The following CPEB1 variants were observed in gnomAD, a reference collection of about 807,000 sequenced individuals.
CPEB1 encodes the protein cytoplasmic polyadenylation element binding protein 1.
A neutral mutation model predicts 65.8 loss-of-function variants in CPEB1; 7 were observed. The ratio of observed to expected loss-of-function variants is 0.11; its 90% CI spans 0.06 to 0.20. The LOEUF (loss-of-function observed/expected upper bound fraction) is 0.20. Ranked by LOEUF, CPEB1 falls within the 10% of genes least tolerant of loss-of-function variation. The probability of loss-of-function intolerance (pLI) is 1.00; values close to 1 mark genes in which losing one functional copy is unlikely to be tolerated. For missense variants in CPEB1, 551 were observed against 712.2 expected (o/e 0.77, Z 2.58); for synonymous variants, 262 against 260.0 (o/e 1.01, Z -0.08).
chr15:82,548,140 T>C (rs1310730089), intron 10 of CPEB1, among the ~76,000 whole-genome samples: 2 of 152,004 alleles, frequency 1.3e-5, no homozygotes, highest in Non-Finnish European at 2.9e-5. Flanking sequence ...ATGGAGACCA[T>C]CCTGGCTAAC....
At chr15:82,623,312 A>G (rs940170807) in intron 3 of CPEB1, among the ~76,000 whole-genome samples, 1 of 152,232 alleles carries the variant, frequency 6.6e-6, no homozygotes, top group Admixed American at 6.5e-5. Context: ...ACACTGTGTT[A>G]GGAAACACAC....
chr15:82,591,480 T>C (rs926359463), intron 3 of CPEB1, among the ~76,000 whole-genome samples: 1 of 152,228 alleles, frequency 6.6e-6, no homozygotes, highest in Non-Finnish European at 1.5e-5. Context: ...TTGGCCAGGC[T>C]GGTCTCAAAC....
chr15:82,629,525 C>G, intron 1 of CPEB1: 1 of 985,322 alleles, frequency 1.0e-6, no homozygotes, highest in Non-Finnish European at 1.2e-6. Flanking sequence ...GTAAATAACA[C>G]CACCATCCAC....
At chr15:82,611,841 T>C (rs910087430) in intron 3 of CPEB1, among the ~76,000 whole-genome samples, 1 of 150,222 alleles carries the variant, frequency 6.7e-6, no homozygotes, top group Admixed American at 6.6e-5. Context: ...AAAAGAAATG[T>C]ATAACAGAAT....
chr15:82,643,109 G>A (rs1199287439), intron 1 of CPEB1, among the ~76,000 whole-genome samples: 1 of 148,820 alleles, frequency 6.7e-6, no homozygotes, highest in Non-Finnish European at 1.5e-5. Context: ...CCCCTCCCCA[G>A]CACACTCCAC....
chr15:82,625,741 A>G (rs2045705955), intron 3 of CPEB1, among the ~76,000 whole-genome samples: 1 of 152,216 alleles, frequency 6.6e-6, no homozygotes, highest in Non-Finnish European at 1.5e-5. Flanking sequence ...TGTAATTATC[A>G]GTCCTTGTTT....
intron 5 of CPEB1, among the ~76,000 whole-genome samples, chr15:82,557,352 T>C (rs1007741662): frequency 2.0e-5 from 3 of 152,218 alleles, no homozygotes; most frequent in Non-Finnish European, 4.4e-5. Context: ...TTAAAAATTT[T>C]TTACGTTATT....
At chr15:82,598,839 C>A (rs1240142399) in intron 3 of CPEB1, among the ~76,000 whole-genome samples, 3 of 151,988 alleles carry the variant, frequency 2.0e-5, no homozygotes, top group East Asian at 3.9e-4. Context: ...AAATTACAAC[C>A]AATATTGACC....
At chr15:82,554,297 C>T (rs2036802112) in intron 6 of CPEB1, among the ~76,000 whole-genome samples, 1 of 152,114 alleles carries the variant, frequency 6.6e-6, no homozygotes, top group Non-Finnish European at 1.5e-5. Flanking sequence ...ATATGCTAAC[C>T]ACAAAGCAGT....
At chr15:82,581,179 T>C (rs979030109) in intron 3 of CPEB1, among the ~76,000 whole-genome samples, 50 of 152,208 alleles carry the variant, frequency 3.3e-4, no homozygotes, top group Non-Finnish European at 8.8e-5. Flanking sequence ...TTTTGCTATG[T>C]TGTCCAGGCT....
At chr15:82,584,258 C>CAAAAAAAA (rs71156038) in intron 3 of CPEB1, among the ~76,000 whole-genome samples, 1 of 53,288 alleles carries the variant, frequency 1.9e-5, no homozygotes, top group African/African-American at 7.5e-5. Flanking sequence ...GACTCCGTCT[C>CAAAAAAAA]AAAAAAAAAA....
chr15:82,638,750 G>A (rs2046867600), intron 1 of CPEB1: 1 of 152,200 alleles, frequency 6.6e-6, no homozygotes, highest in African/African-American at 2.4e-5. Flanking sequence ...ACTTTATACT[G>A]ACTTCTCATT....
intron 3 of CPEB1, among the ~76,000 whole-genome samples, chr15:82,610,382 C>T (rs948611299): frequency 5.3e-5 from 8 of 152,054 alleles, no homozygotes; most frequent in African/African-American, 1.9e-4. Flanking sequence ...TTCCCTGATA[C>T]CAAAATCAGG....
chr15:82,554,731 A>C (rs183976221), intron 6 of CPEB1, among the ~76,000 whole-genome samples: 1,925 of 152,374 alleles, frequency 0.013, 35 homozygotes, highest in Admixed American at 0.036. Context: ...AAAGAGGCAG[A>C]CAGCCAATGA....
chr15:82,591,966 T>C (rs188375186), intron 3 of CPEB1, among the ~76,000 whole-genome samples: 83 of 151,784 alleles, frequency 5.5e-4, no homozygotes, highest in African/African-American at 2.0e-3. Flanking sequence ...ACCTCACCCT[T>C]CTAATTAGCT....
intron 4 of CPEB1, among the ~76,000 whole-genome samples, chr15:82,558,393 G>A (rs548644862): frequency 2.6e-5 from 4 of 152,178 alleles, no homozygotes; most frequent in Non-Finnish European, 4.4e-5. Flanking sequence ...TTGTTTATTA[G>A]AAGAATTCTC....
At chr15:82,596,852 A>G (rs551065769) in intron 3 of CPEB1, among the ~76,000 whole-genome samples, 4 of 152,328 alleles carry the variant, frequency 2.6e-5, no homozygotes, top group African/African-American at 9.6e-5. Context: ...TTAATATGGA[A>G]GACAATCTAG....
intron 4 of CPEB1, among the ~76,000 whole-genome samples, chr15:82,569,737 G>C (rs1044324888): frequency 2.0e-5 from 3 of 152,228 alleles, no homozygotes; most frequent in African/African-American, 7.2e-5. Context: ...GTAGCTTAGA[G>C]AATGAGAGCC....
At chr15:82,546,117 A>G (rs918406163) in intron 12 of CPEB1, among the ~76,000 whole-genome samples, 2 of 147,446 alleles carry the variant, frequency 1.4e-5, no homozygotes, top group African/African-American at 5.0e-5. Flanking sequence ...TGGCATAACA[A>G]TTTTTTTTTT....
Sources: gnomAD v4.1 joint callset for allele counts (sites outside exome capture counted in the v4.1 genomes callset) on GRCh38, gnomAD v4.1.1 for gene constraint, MANE v1.5 for transcripts, NCBI Gene and HGNC (gene_info 2026-07-23, HGNC 2026-07-21) for gene names.